Variants in CLEC2D observed in about 807,000 individuals in gnomAD.
CLEC2D encodes the protein C-type lectin domain family 2 member D.
CLEC2D carries 16 observed loss-of-function variants against 20.0 expected under a neutral mutation model. That is an observed-to-expected ratio of 0.80 (90% CI 0.54 to 1.22). The LOEUF (loss-of-function observed/expected upper bound fraction) is 1.22. Among genes scored for constraint, CLEC2D ranks in the 50% most tolerant of loss-of-function variants. The pLI is 0.00. For missense variants in CLEC2D, 207 were observed against 221.5 expected (o/e 0.93, Z 0.42); for synonymous variants, 77 against 71.1 (o/e 1.08, Z -0.42).
At chr12:9,677,706 T>G (rs1276417185) in intron 1 of CLEC2D, among the ~76,000 whole-genome samples, 2 of 44,820 alleles carry the variant, frequency 4.5e-5, no homozygotes, top group Admixed American at 3.8e-4. Context: ...TTTCTTTCTT[T>G]CTTTTTTTTT....
chr12:9,669,942 AT>A, intron 1 of CLEC2D, 147 bp downstream of exon 1: 2 of 566,716 alleles, frequency 3.5e-6, no homozygotes, highest in Non-Finnish European at 6.4e-6. Context: ...TTGGCTTATA[AT>A]TTGTGTAAAA....
intron 1 of CLEC2D, among the ~76,000 whole-genome samples, chr12:9,680,575 A>T (rs1388332598): frequency 6.6e-6 from 1 of 152,206 alleles, no homozygotes; most frequent in Non-Finnish European, 1.5e-5. Context: ...AATATCATTT[A>T]AAAATATTTC....
rs1866066731 is a variant in CLEC2D, at chr12:9,699,064, A to C, written c.*4190A>C. 6.6e-6 allele frequency: 1 copy of C among 152,156 alleles called. No individual in the cohort carries two copies. Among genetic ancestry groups the C allele is most frequent in the Admixed American group, 6.5e-5 (1 of 15,276 alleles). The allele number at this position is 152,156 out of a possible 1,614,324, so 9.4% of individuals were successfully genotyped here. On this transcript the variant is annotated 3_prime_UTR_variant, in exon 5 of 5. Transcript: ENST00000290855. Reference sequence around the variant, plus strand: ...AAACCATTGTCTTCTCTGCAAGCCCAGTAGACTTTGTCCCAGGCCATTTAT... The same window carrying C: ...AAACCATTGTCTTCTCTGCAAGCCCCGTAGACTTTGTCCCAGGCCATTTAT...
chr12:9,677,474 C>G (rs1486277590), intron 1 of CLEC2D, among the ~76,000 whole-genome samples: 1 of 152,024 alleles, frequency 6.6e-6, no homozygotes, highest in Non-Finnish European at 1.5e-5. Context: ...ACATTGTGGT[C>G]TGAGAGCAGA....
chr12:9,681,064 A>C, intron 2 of CLEC2D, 31 bp downstream of exon 2: 2 of 1,104,386 alleles, frequency 1.8e-6, no homozygotes, highest in Non-Finnish European at 2.7e-6. Flanking sequence ...ATTCATCTAG[A>C]GAGAATTATA....
At chr12:9,684,037 A>G (rs1035619231) in intron 2 of CLEC2D, among the ~76,000 whole-genome samples, 1 of 151,938 alleles carries the variant, frequency 6.6e-6, no homozygotes, top group African/African-American at 2.4e-5. Flanking sequence ...TGTTTGTGTC[A>G]TCTCTTATTT....
At chr12:9,681,611 A>G (rs1278939129) in intron 2 of CLEC2D, among the ~76,000 whole-genome samples, 1 of 111,874 alleles carries the variant, frequency 8.9e-6, no homozygotes, top group Non-Finnish European at 1.9e-5. Flanking sequence ...AGTGCATCTA[A>G]TATAGACCAA....
intron 2 of CLEC2D, among the ~76,000 whole-genome samples, chr12:9,681,567 A>G (rs1028924809): frequency 6.6e-6 from 1 of 152,170 alleles, no homozygotes; most frequent in East Asian, 1.9e-4. Context: ...GCAATTAGCT[A>G]TAAAAATTAT....
In CLEC2D at chr12:9,671,994, T is replaced by C. The variant is rs111476486; in HGVS notation, c.61+2199T>C. ...CATTTTCTCCTTGTTGCCACACATA[T>C]ATAGACTCTGTCTTAGTCTGTTTTG... On this transcript the variant is annotated intron_variant, in intron 1 of 4. Transcript: ENST00000290855. 1.3e-5 allele frequency among the ~76,000 whole-genome samples: 2 copies of C among 152,270 alleles called. 1 individual carries two copies. The highest frequency in any genetic ancestry group is 4.8e-5 in the African/African-American group (2 of 41,536).
intron 1 of CLEC2D, chr12:9,680,240 T>G (rs1415291761): frequency 3.0e-6 from 1 of 333,424 alleles, no homozygotes; most frequent in Non-Finnish European, 6.3e-6. Flanking sequence ...TGCTTCCTCT[T>G]CCACCATTAT....
intron 1 of CLEC2D, among the ~76,000 whole-genome samples, chr12:9,680,501 G>A (rs890871492): frequency 6.6e-6 from 1 of 152,004 alleles, no homozygotes; most frequent in South Asian, 2.1e-4. Flanking sequence ...TATCACTCCA[G>A]TTTTGCCTTT....
chr12:9,678,146 G>A (rs1209874853), intron 1 of CLEC2D, among the ~76,000 whole-genome samples: 3 of 152,036 alleles, frequency 2.0e-5, no homozygotes, highest in South Asian at 2.1e-4. Flanking sequence ...TGTTAGGTGC[G>A]TGCACATTTA....
In CLEC2D at chr12:9,694,852, C is replaced by A; in HGVS notation, c.554C>A (p.Ser185Tyr). Residue 185 changes from serine (S) to tyrosine (Y), a missense_variant, in exon 5 of 5, where the codon TCC (serine) becomes TAC (tyrosine). Physicochemically the swap from Ser to Tyr is moderately radical, Grantham distance 144. Transcript: ENST00000290855. ...RHYTERKWIC[S>Y]KSDIHV ...TACACAGAGAGGAAGTGGATTTGTTCCAAATCAGATATACATGTCTAGATG... is the reference window on the plus strand; with the variant it reads ...TACACAGAGAGGAAGTGGATTTGTTACAAATCAGATATACATGTCTAGATG... The A allele has an allele frequency of 6.2e-7, 1 of 1,601,482 alleles. No individual in the cohort carries two copies. Among genetic ancestry groups the A allele is most frequent in the South Asian group, 1.1e-5 (1 of 90,804 alleles).
At chr12:9,680,209 C>G in intron 1 of CLEC2D, 1 of 333,356 alleles carries the variant, frequency 3.0e-6, no homozygotes, top group Non-Finnish European at 6.3e-6. Context: ...TCTCCTGCTG[C>G]CATGTGAAGA....
chr12:9,680,269 TC>T, intron 1 of CLEC2D: 3 of 282,018 alleles, frequency 1.1e-5, no homozygotes, highest in Non-Finnish European at 2.2e-5. Flanking sequence ...TCCTGAGGCC[TC>T]CCCAGCCATG....
In CLEC2D at chr12:9,698,136, A is replaced by T. The variant is rs1045003491; in HGVS notation, c.*3262A>T. On this transcript the variant is annotated 3_prime_UTR_variant, in exon 5 of 5. Transcript: ENST00000290855. ...TTAGCTGACAACTGTATAATTATGG[A>T]ATACAATGTGATGTTCTGATATATG... 1.3e-5 allele frequency: 2 copies of T among 152,150 alleles called. No homozygotes were observed. The highest frequency in any genetic ancestry group is 2.9e-5 in the Non-Finnish European group (2 of 68,008). 9.4% of individuals were successfully genotyped at this position (152,150 alleles called of 1,614,324 possible). A position where few individuals can be genotyped will look rare whatever the true frequency, so the allele number is the denominator to read the frequency against.
chr12:9,679,731 A>C (rs975320657), intron 1 of CLEC2D, among the ~76,000 whole-genome samples: 3 of 152,210 alleles, frequency 2.0e-5, no homozygotes, highest in Non-Finnish European at 4.4e-5. Context: ...GGGAAACATC[A>C]ATGTAAAGCT....
chr12:9,675,654 C>T (rs1298607976), intron 1 of CLEC2D, among the ~76,000 whole-genome samples: 1 of 152,090 alleles, frequency 6.6e-6, no homozygotes, highest in Non-Finnish European at 1.5e-5. Context: ...ACTTTAGAAT[C>T]AGTTTGTTGA....
Position 9,697,750 on chromosome 12 carries a change from G to A in CLEC2D, c.*2876G>A, listed in dbSNP as rs1252895284. On this transcript the variant is annotated 3_prime_UTR_variant, in exon 5 of 5. Coordinates refer to ENST00000290855, the MANE Select transcript of CLEC2D (RefSeq NM_013269.6). The stretch of plus-strand genomic sequence containing the variant: ...AAAAACCCAAATACATAGAAATAGA[G>A]TAGAATGGTGGTTACCAGAGATGAG... 4 of 152,056 alleles carry A rather than the reference G, an allele frequency of 2.6e-5. No individual in the cohort carries two copies. Among genetic ancestry groups the A allele is most frequent in the African/African-American group, 9.7e-5 (4 of 41,400 alleles). The allele number at this position is 152,056 out of a possible 1,614,324, so 9.4% of individuals were successfully genotyped here. A position where few individuals can be genotyped will look rare whatever the true frequency, so the allele number is the denominator to read the frequency against.
Sources: gnomAD v4.1 joint callset for allele counts (sites outside exome capture counted in the v4.1 genomes callset) on GRCh38, gnomAD v4.1.1 for gene constraint, MANE v1.5 for transcripts, NCBI Gene and HGNC (gene_info 2026-07-23, HGNC 2026-07-21) for gene names.